The following KCNMA1 variants were observed in gnomAD, a reference collection of about 807,000 sequenced individuals.
The protein encoded by KCNMA1 is Calcium-activated potassium channel subunit alpha-1.
KCNMA1 carries 29 observed loss-of-function variants against 140.0 expected under a neutral mutation model. That is an observed-to-expected ratio of 0.21 (90% CI 0.15 to 0.28). KCNMA1 has a LOEUF of 0.28. Among genes scored for constraint, KCNMA1 ranks in the 10% least tolerant of loss-of-function variants. The pLI is 1.00. For synonymous variants in KCNMA1, 612 were observed against 611.9 expected (o/e 1.00, Z 0.00); for missense variants, 880 against 1,602.2 (o/e 0.55, Z 7.70).
chr10:77,622,678 G>A (rs2673428), intron 1 of KCNMA1, among the ~76,000 whole-genome samples: 31,707 of 152,076 alleles, frequency 0.21, 3,543 homozygotes, highest in African/African-American at 0.23. Flanking sequence ...AATTTAAAAG[G>A]GGACTACATC....
intron 1 of KCNMA1, among the ~76,000 whole-genome samples, chr10:77,466,068 A>G (rs188146456): frequency 2.0e-3 from 307 of 152,266 alleles, no homozygotes; most frequent in African/African-American, 7.2e-3. Context: ...AGCATCAGGA[A>G]CTAAGGCAAA....
chr10:77,251,177 G>T lies in KCNMA1; in HGVS notation c.602+18C>A, dbSNP rs986338996. ...TTGTTTATGAAACGAGGGCAAGAAA[G>T]TATATTTGAATACTCACTTTGATGA... is the stretch of plus-strand genomic sequence containing the variant. On this transcript the variant is annotated intron_variant, in intron 3 of 27. Coordinates refer to ENST00000286628, the MANE Select transcript of KCNMA1 (RefSeq NM_001161352.2). The T allele has an allele frequency of 1.9e-6, 3 of 1,579,660 alleles. No individual in the cohort carries two copies. Among genetic ancestry groups the T allele is most frequent in the African/African-American group, 2.7e-5 (2 of 74,188 alleles).
At chr10:77,196,838 A>T (rs1321305218) in intron 3 of KCNMA1, among the ~76,000 whole-genome samples, 4 of 152,218 alleles carry the variant, frequency 2.6e-5, no homozygotes, top group Non-Finnish European at 5.9e-5. Context: ...TTCTCAGCTT[A>T]CAACCAAGGC....
chr10:77,537,568 T>G (rs1171186556), intron 1 of KCNMA1, among the ~76,000 whole-genome samples: 1 of 152,220 alleles, frequency 6.6e-6, no homozygotes, highest in African/African-American at 2.4e-5. Context: ...TCACTCAGAA[T>G]TCTCTATTTC....
In KCNMA1 at chr10:76,971,943, T is replaced by C. The variant is rs920082281; in HGVS notation, c.2267-1876A>G. ...ATAGGGGACCAGGCATCTGAGGCAA[T>C]AATGGGGTAGAAAGGCAGCGAGGGT... On this transcript the variant is annotated intron_variant, in intron 19 of 27. Coordinates refer to ENST00000286628, the MANE Select transcript of KCNMA1 (RefSeq NM_001161352.2). Among the ~76,000 whole-genome samples, 7 of 151,682 alleles carry C rather than the reference T, an allele frequency of 4.6e-5. No homozygotes were observed. The East Asian group carries it at 1.4e-3, about 29-fold the overall frequency.
intron 22 of KCNMA1, among the ~76,000 whole-genome samples, chr10:76,947,583 A>G (rs1170503916): frequency 6.6e-6 from 1 of 152,220 alleles, no homozygotes; most frequent in Admixed American, 6.5e-5. Context: ...TCATATAATC[A>G]AATCGACCAT....
chr10:77,344,189 C>G (rs2091645523), intron 2 of KCNMA1, among the ~76,000 whole-genome samples: 1 of 152,220 alleles, frequency 6.6e-6, no homozygotes, highest in Non-Finnish European at 1.5e-5. Context: ...GCCTCGGCCA[C>G]CAGCCCACAA....
intron 1 of KCNMA1, among the ~76,000 whole-genome samples, chr10:77,515,024 C>A (rs1450545818): frequency 1.3e-5 from 2 of 152,282 alleles, no homozygotes; most frequent in East Asian, 3.9e-4. Context: ...GGCTCTCACC[C>A]GCTAGCTCTA....
intron 4 of KCNMA1, among the ~76,000 whole-genome samples, 174 bp from the exon 5 acceptor site, chr10:77,183,706 C>T (rs1454864414): frequency 6.6e-6 from 1 of 152,100 alleles, no homozygotes; most frequent in Non-Finnish European, 1.5e-5. Flanking sequence ...AGGCTGGTCT[C>T]GAGCTCCTGA....
intron 1 of KCNMA1, among the ~76,000 whole-genome samples, chr10:77,477,025 A>C (rs907325215): frequency 6.6e-6 from 1 of 152,230 alleles, no homozygotes; most frequent in Non-Finnish European, 1.5e-5. Flanking sequence ...AAAACCAGCA[A>C]GAGAACTGGC....
intron 21 of KCNMA1, among the ~76,000 whole-genome samples, chr10:76,950,310 CA>C (rs1337400632): frequency 1.3e-5 from 2 of 152,154 alleles, no homozygotes; most frequent in Non-Finnish European, 2.9e-5. Context: ...AAGATCTCCC[CA>C]AATAATCATT....
intron 5 of KCNMA1, among the ~76,000 whole-genome samples, chr10:77,135,016 A>AAAAAAAAAAAAAAAAAAAAAAAG: frequency 6.9e-6 from 1 of 144,158 alleles, no homozygotes; most frequent in Admixed American, 7.0e-5. Context: ...AAAAAAAAAA[A>AAAAAAAAAAAAAAAAAAAAAAAG]AAAAAAAAAA....
At chr10:77,404,923 C>A (rs1035801456) in intron 1 of KCNMA1, among the ~76,000 whole-genome samples, 1 of 152,222 alleles carries the variant, frequency 6.6e-6, no homozygotes, top group African/African-American at 2.4e-5. Context: ...AATGAAGCCA[C>A]TGCAGAGAAA....
intron 13 of KCNMA1, among the ~76,000 whole-genome samples, chr10:77,073,998 T>C (rs1338802960): frequency 3.3e-5 from 5 of 152,108 alleles, no homozygotes; most frequent in Admixed American, 6.6e-5. Context: ...CAGAGAGTCA[T>C]AGAAAATACA....
At chr10:77,222,224 C>A (rs1231381042) in intron 3 of KCNMA1, among the ~76,000 whole-genome samples, 1 of 152,186 alleles carries the variant, frequency 6.6e-6, no homozygotes. Context: ...CAAAGACAAT[C>A]AGATTGGGAT....
At chr10:77,007,577 T>G in intron 18 of KCNMA1, among the ~76,000 whole-genome samples, 1 of 151,082 alleles carries the variant, frequency 6.6e-6, no homozygotes, top group East Asian at 1.9e-4. Flanking sequence ...TCTCTACTCT[T>G]ATATGTAAAA....
At chr10:77,207,695 G>A (rs765987010) in intron 3 of KCNMA1, among the ~76,000 whole-genome samples, 19 of 152,120 alleles carry the variant, frequency 1.2e-4, no homozygotes, top group Non-Finnish European at 2.2e-4. Flanking sequence ...TGTCTTCCTC[G>A]CTAATGTCTG....
chr10:77,536,344 T>G (rs2154553951), intron 1 of KCNMA1, among the ~76,000 whole-genome samples: 1 of 152,320 alleles, frequency 6.6e-6, no homozygotes, highest in South Asian at 2.1e-4. Context: ...GCATCCTTCT[T>G]GTTAGAATCA....
chr10:77,110,372 AG>A, intron 7 of KCNMA1, 29 bp from the exon 8 acceptor site: 1 of 1,593,130 alleles, frequency 6.3e-7, no homozygotes, highest in South Asian at 1.1e-5. Flanking sequence ...GGGAGAAAAA[AG>A]AAAAACATGC....
Sources: allele counts gnomAD v4.1 joint callset (sites outside exome capture counted in the v4.1 genomes callset), GRCh38; gene constraint gnomAD v4.1.1; transcripts MANE v1.5; gene names NCBI Gene and HGNC (gene_info 2026-07-23, HGNC 2026-07-21).